PTPRQ: variants seen among roughly 807,000 people sequenced by gnomAD.
PTPRQ encodes phosphatidylinositol phosphatase PTPRQ.
A neutral mutation model predicts 246.0 loss-of-function variants in PTPRQ; 199 were observed. The ratio of observed to expected loss-of-function variants is 0.81; its 90% confidence interval spans 0.72 to 0.91. The LOEUF (loss-of-function observed/expected upper bound fraction) is 0.91, where lower values mean the gene tolerates loss of function less well. PTPRQ is among the 40% of genes least tolerant of loss of function. The pLI is 0.00. For synonymous variants in PTPRQ, 869 were observed against 853.2 expected, an observed-to-expected ratio of 1.02 and a Z score of -0.32; for missense variants, 2,624 against 2,528.4, an observed-to-expected ratio of 1.04 and a Z score of -0.81.
intron 25 of PTPRQ, 119 bp from the exon 26 acceptor site, chr12:80,588,010 G>A: frequency 9.5e-7 from 1 of 1,049,650 alleles, no homozygotes; most frequent in South Asian, 2.1e-5. Context: ...ATTAATCTAA[G>A]AGCTATAGTA....
intron 25 of PTPRQ, among the ~76,000 whole-genome samples, chr12:80,550,986 C>T (rs1485445929): frequency 6.6e-6 from 1 of 152,114 alleles, no homozygotes; most frequent in East Asian, 1.9e-4. Flanking sequence ...CAGATATCTT[C>T]TCTTAGGAAG....
intron 3 of PTPRQ, among the ~76,000 whole-genome samples, chr12:80,454,916 C>T: frequency 6.6e-6 from 1 of 152,212 alleles, no homozygotes; most frequent in East Asian, 1.9e-4. Flanking sequence ...GTGCCTCATG[C>T]CTGTAATCCC....
chr12:80,458,298 G>A (rs12306109), intron 4 of PTPRQ, among the ~76,000 whole-genome samples: 14,673 of 152,016 alleles, frequency 0.097, 1,499 homozygotes, highest in African/African-American at 0.25. Context: ...CTGACATCCT[G>A]TCCAACATTA....
At position 80,549,651 on chromosome 12, in the gene PTPRQ, CAT is replaced by C; in HGVS notation, c.4205_4206del (p.Tyr1402CysfsTer3). The C allele has an allele frequency of 6.4e-7, 1 of 1,551,164 alleles. No individual in the cohort carries two copies. Among genetic ancestry groups the C allele is most frequent in the Non-Finnish European group, 8.7e-7 (1 of 1,146,572 alleles). Reference sequence around the variant, plus strand: ...TTCATAAAGCTTCTTGCCAATACCTCATATGTCTTTAAAGTAAGAGCTTCAAC... The same window carrying C: ...TTCATAAAGCTTCTTGCCAATACCTCATGTCTTTAAAGTAAGAGCTTCAAC... On this transcript the variant is annotated frameshift_variant, in exon 25 of 45. Coordinates refer to ENST00000644991, the MANE Select transcript of PTPRQ (RefSeq NM_001145026.2). LOFTEE classifies it high-confidence loss of function.
At chr12:80,517,436 G>A (rs868571669) in intron 17 of PTPRQ, among the ~76,000 whole-genome samples, 1 of 151,990 alleles carries the variant, frequency 6.6e-6, no homozygotes, top group Non-Finnish European at 1.5e-5. Flanking sequence ...ATACAAGCGT[G>A]TAACAAGTAA....
chr12:80,670,087 G>A (rs371539047), intron 41 of PTPRQ, among the ~76,000 whole-genome samples: 1 of 151,872 alleles, frequency 6.6e-6, no homozygotes, highest in African/African-American at 2.4e-5. Context: ...CTACAAAATG[G>A]CATACTATAT....
intron 17 of PTPRQ, among the ~76,000 whole-genome samples, chr12:80,529,021 G>A (rs781152759): frequency 6.6e-6 from 1 of 152,106 alleles, no homozygotes; most frequent in Non-Finnish European, 1.5e-5. Context: ...ACCTTGCTTT[G>A]ACTCAGACTG....
In PTPRQ at chr12:80,469,623, A is replaced by G. The variant is rs559314115; in HGVS notation, c.1039+785A>G. 1.3e-4 allele frequency among the ~76,000 whole-genome samples: 20 copies of G among 152,228 alleles called. No individual in the cohort carries two copies. In the South Asian group the frequency reaches 3.7e-3, roughly 28 times the overall value. On this transcript the variant is annotated intron_variant, in intron 7 of 44. Transcript: ENST00000644991. ...GAGTTCCAACTCATTTTATTTTGCA[A>G]TTTCTGTGGTATGAATCACTCATCA...
At chr12:80,568,041 T>C (rs1364555797) in intron 25 of PTPRQ, among the ~76,000 whole-genome samples, 1 of 152,180 alleles carries the variant, frequency 6.6e-6, no homozygotes, top group Non-Finnish European at 1.5e-5. Context: ...ATACAGGCAG[T>C]CTTTGCTTTA....
intron 16 of PTPRQ, among the ~76,000 whole-genome samples, chr12:80,507,262 C>G (rs912714907): frequency 6.6e-6 from 1 of 151,896 alleles, no homozygotes; most frequent in Non-Finnish European, 1.5e-5. Flanking sequence ...CCAAGTTAGA[C>G]ATATATTATG....
intron 26 of PTPRQ, among the ~76,000 whole-genome samples, chr12:80,590,133 C>A (rs1028335440): frequency 1.3e-5 from 2 of 152,078 alleles, no homozygotes; most frequent in African/African-American, 4.8e-5. Context: ...AATACCAAAC[C>A]TTCTCATATC....
intron 17 of PTPRQ, among the ~76,000 whole-genome samples, chr12:80,526,796 A>C (rs1361946990): frequency 3.3e-5 from 5 of 152,148 alleles, no homozygotes; most frequent in Non-Finnish European, 7.4e-5. Flanking sequence ...CTAAGAAATG[A>C]AAATTAATGA....
intron 6 of PTPRQ, among the ~76,000 whole-genome samples, chr12:80,463,216 G>A (rs1234847150): frequency 1.3e-5 from 2 of 152,236 alleles, no homozygotes; most frequent in African/African-American, 4.8e-5. Context: ...ACTACGTGAA[G>A]AATGCAGAAG....
In PTPRQ at chr12:80,472,261, T is replaced by C. The variant is rs1050213294; in HGVS notation, c.1186+10T>C. The stretch of plus-strand genomic sequence containing the variant: ...TTCACTCCACCAGATGGTAAGAACA[T>C]AGGGAATGAGTGAGATATTTTTGGT... On this transcript the variant is annotated intron_variant, in intron 8 of 44. Transcript: ENST00000644991. 3.9e-6 allele frequency: 6 copies of C among 1,551,086 alleles called. No homozygotes were observed. In the Admixed American group the frequency reaches 9.8e-5, roughly 25 times the overall value.
At chr12:80,652,623 G>T (rs1900292624) in intron 37 of PTPRQ, 121 bp from the exon 38 acceptor site, 2 of 957,922 alleles carry the variant, frequency 2.1e-6, no homozygotes, top group South Asian at 2.7e-5. Flanking sequence ...CCACAGTTAT[G>T]ATAGGTGTTT....
intron 26 of PTPRQ, chr12:80,593,654 G>T (rs1016709487): frequency 2.6e-5 from 4 of 151,996 alleles, no homozygotes; most frequent in African/African-American, 9.7e-5. Flanking sequence ...TTTAAAAAAT[G>T]GCAGAAATAT....
chr12:80,565,948 A>G (rs1033986655), intron 25 of PTPRQ, among the ~76,000 whole-genome samples: 15 of 152,176 alleles, frequency 9.9e-5, no homozygotes, highest in Non-Finnish European at 2.2e-4. Flanking sequence ...AACACATTCA[A>G]AATTCAAATA....
intron 42 of PTPRQ, among the ~76,000 whole-genome samples, chr12:80,671,249 A>G (rs1169507642): frequency 6.6e-6 from 1 of 152,086 alleles, no homozygotes; most frequent in African/African-American, 2.4e-5. Context: ...AACATGTAGA[A>G]CAAAAAGTAA....
intron 38 of PTPRQ, among the ~76,000 whole-genome samples, chr12:80,657,210 G>A (rs562384252): frequency 2.0e-5 from 3 of 151,684 alleles, no homozygotes; most frequent in Admixed American, 6.6e-5. Flanking sequence ...GCAGTTAATA[G>A]GAAAGGCATT....
Sources: allele counts gnomAD v4.1 joint callset (sites outside exome capture counted in the v4.1 genomes callset), GRCh38; gene constraint gnomAD v4.1.1; transcripts MANE v1.5; gene names NCBI Gene and HGNC (gene_info 2026-07-23, HGNC 2026-07-21).